The following KLF12 variants were observed in gnomAD, a reference collection of about 807,000 sequenced individuals.
KLF12 encodes the protein KLF transcription factor 12.
A neutral mutation model predicts 37.8 loss-of-function variants in KLF12; 9 were observed. The observed-to-expected ratio is 0.24, with a 90% CI of 0.14 to 0.42. The LOEUF (loss-of-function observed/expected upper bound fraction) is 0.42, where lower values mean the gene tolerates loss of function less well. Among genes scored for constraint, KLF12 ranks in the 10% least tolerant of loss-of-function variants. The probability of loss-of-function intolerance (pLI) is 1.00; values close to 1 mark genes in which losing one functional copy is unlikely to be tolerated. For synonymous variants in KLF12, 208 were observed against 202.1 expected (o/e 1.03, Z -0.25); for missense variants, 411 against 516.0 (o/e 0.80, Z 1.97).
chr13:74,227,938 T>C, the KLF12 span, among the ~76,000 whole-genome samples: 3 of 152,208 alleles, frequency 2.0e-5, no homozygotes, highest in Non-Finnish European at 4.4e-5. Flanking sequence ...GGTAGAAGAA[T>C]GTTTAGTCAA....
At chr13:74,225,373 G>A in the KLF12 span, among the ~76,000 whole-genome samples, 1 of 152,160 alleles carries the variant, frequency 6.6e-6, no homozygotes, top group Non-Finnish European at 1.5e-5. Context: ...TGCTATCAAA[G>A]CTATGCTGTT....
chr13:73,872,209 G>A (rs772607091), intron 3 of KLF12, among the ~76,000 whole-genome samples: 3 of 151,936 alleles, frequency 2.0e-5, no homozygotes, highest in Non-Finnish European at 2.9e-5. Flanking sequence ...CATTTGCACT[G>A]CAAATATATT....
chr13:74,113,247 A>C lies in KLF12; in HGVS notation c.-32+20492T>G, dbSNP rs78694077. Among the ~76,000 whole-genome samples the C allele has an allele frequency of 1.8e-3, 272 of 152,362 alleles. 3 individuals are homozygous for C. Among genetic ancestry groups the C allele is most frequent in the Middle Eastern group, 0.01 (3 of 294 alleles). ...CAAGTTATCCGGAAGATCTAGCTAA[A>C]ATCACTGATGAAGGTGAATATACTA... On this transcript the variant is annotated intron_variant, in intron 1 of 7. Transcript: ENST00000377669.
intron 1 of KLF12, among the ~76,000 whole-genome samples, chr13:74,070,899 T>C (rs1239318462): frequency 3.9e-5 from 6 of 152,166 alleles, no homozygotes; most frequent in Admixed American, 6.5e-5. Flanking sequence ...TGGATGGCAG[T>C]TGTGAATAAA....
chr13:73,983,105 T>C (rs900134737), intron 2 of KLF12, among the ~76,000 whole-genome samples: 8 of 152,180 alleles, frequency 5.3e-5, no homozygotes, highest in Admixed American at 2.6e-4. Flanking sequence ...AGTATGAGGC[T>C]CGCACCCTGT....
chr13:73,846,228 C>T lies in KLF12; in HGVS notation c.269G>A (p.Arg90Lys). 1 of 1,614,134 alleles carries T rather than the reference C, an allele frequency of 6.2e-7. No individual in the cohort carries two copies. The highest frequency in any genetic ancestry group is 8.5e-7 in the Non-Finnish European group (1 of 1,180,018). Reference sequence around the variant, plus strand: ...GGATGAAACGGCAGTAGGGGACGTCCTGGCTTTGTTTATTGACAAGTCCAC... The same window carrying T: ...GGATGAAACGGCAGTAGGGGACGTCTTGGCTTTGTTTATTGACAAGTCCAC... The change falls in exon 4 of 8, where the codon AGG becomes AAG. Residue 90 changes from arginine (R) to lysine (K), a missense_variant. Arg to Lys is a conservative substitution (Grantham distance 26, BLOSUM62 2). Transcript: ENST00000377669.
intron 4 of KLF12, among the ~76,000 whole-genome samples, chr13:73,844,118 A>C (rs533162968): frequency 4.6e-4 from 70 of 152,232 alleles, no homozygotes; most frequent in African/African-American, 1.6e-3. Context: ...TTTATAATAA[A>C]ATAATTTTTA....
intron 6 of KLF12, among the ~76,000 whole-genome samples, chr13:73,753,881 A>T (rs1385472142): frequency 2.0e-5 from 3 of 152,110 alleles, no homozygotes; most frequent in Non-Finnish European, 4.4e-5. Context: ...TAGACAAGGA[A>T]CACTCTGATT....
rs142771025 is a variant in KLF12 at position 73,841,053 on chromosome 13, CTTAT to C, written c.670+4770_670+4773del. On this transcript the variant is annotated intron_variant, in intron 4 of 7. Coordinates refer to ENST00000377669, the MANE Select transcript of KLF12 (RefSeq NM_007249.5). Reference sequence around the variant, plus strand: ...TAACTTTCCAACTCCCTTATCATGCCTTATTTGTCTTCATAGCACTTGTAGCATC... The same window carrying C: ...TAACTTTCCAACTCCCTTATCATGCCTTGTCTTCATAGCACTTGTAGCATC... Among the ~76,000 whole-genome samples the C allele has an allele frequency of 3.3e-3, 496 of 152,274 alleles. 1 individual carries two copies. Among genetic ancestry groups the C allele is most frequent in the African/African-American group, 0.011 (473 of 41,542 alleles).
intron 1 of KLF12, among the ~76,000 whole-genome samples, chr13:74,027,860 T>C (rs1893017392): frequency 6.6e-6 from 1 of 152,198 alleles, no homozygotes; most frequent in Non-Finnish European, 1.5e-5. Context: ...TCTTTTTAAT[T>C]TAGTTTCAAC....
intron 5 of KLF12, among the ~76,000 whole-genome samples, chr13:73,785,061 T>C (rs1027233591): frequency 6.6e-6 from 1 of 152,010 alleles, no homozygotes; most frequent in Non-Finnish European, 1.5e-5. Flanking sequence ...GAGAAATTAG[T>C]CTTTTTTCCT....
At chr13:74,301,139 A>T in the KLF12 span, among the ~76,000 whole-genome samples, 1 of 152,072 alleles carries the variant, frequency 6.6e-6, no homozygotes, top group African/African-American at 2.4e-5. Context: ...CTTTTATTTT[A>T]TTTTATTTTT....
At chr13:73,886,454 T>C (rs1594212348) in intron 3 of KLF12, among the ~76,000 whole-genome samples, 2 of 152,192 alleles carry the variant, frequency 1.3e-5, no homozygotes, top group South Asian at 2.1e-4. Context: ...TGAACAGCCA[T>C]ATCAGAAGAT....
chr13:73,707,987 ATAAT>A (rs1169947557), intron 7 of KLF12, among the ~76,000 whole-genome samples: 1 of 152,198 alleles, frequency 6.6e-6, no homozygotes, highest in Non-Finnish European at 1.5e-5. Flanking sequence ...GTAATCAAAT[ATAAT>A]TAATGGAATA....
intron 4 of KLF12, among the ~76,000 whole-genome samples, chr13:73,828,774 T>C (rs1273231860): frequency 6.6e-6 from 1 of 152,222 alleles, no homozygotes; most frequent in Non-Finnish European, 1.5e-5. Flanking sequence ...ACTACATACA[T>C]GAATACTGCC....
At chr13:74,141,930 A>G in the KLF12 span, among the ~76,000 whole-genome samples, 1 of 152,114 alleles carries the variant, frequency 6.6e-6, no homozygotes, top group Non-Finnish European at 1.5e-5. Context: ...ATTGCAAACC[A>G]CTCTATTAGT....
the KLF12 span, among the ~76,000 whole-genome samples, chr13:74,176,030 G>T: frequency 2.4e-4 from 36 of 152,184 alleles, no homozygotes; most frequent in South Asian, 7.5e-3. Flanking sequence ...ACTTCATGAT[G>T]AACAAAAATT....
chr13:74,218,484 C>G, the KLF12 span, among the ~76,000 whole-genome samples: 1 of 152,120 alleles, frequency 6.6e-6, no homozygotes, highest in Non-Finnish European at 1.5e-5. Context: ...TAACTGCCCC[C>G]GCTCCGCACC....
At position 73,922,797 on chromosome 13, in the gene KLF12, T is replaced by C. The variant is rs1356162408; in HGVS notation, c.123+21184A>G. On this transcript the variant is annotated intron_variant, in intron 3 of 7. Transcript: ENST00000377669. ...CATTCAAACTTGTAAAAACCAGACA[T>C]TTCTTTTCAGATAATCAGAAAAATA... Among the ~76,000 whole-genome samples the C allele has an allele frequency of 4.6e-5, 7 of 152,304 alleles. No homozygotes were observed. In the South Asian group the frequency reaches 1.5e-3, roughly 32 times the overall value.
Sources: gnomAD v4.1 joint callset for allele counts (sites outside exome capture counted in the v4.1 genomes callset) on GRCh38, gnomAD v4.1.1 for gene constraint, MANE v1.5 for transcripts, NCBI Gene and HGNC (gene_info 2026-07-23, HGNC 2026-07-21) for gene names.